Variants in IRF6 observed in about 807,000 individuals in gnomAD.
IRF6 encodes the protein Van der Woude syndrome.
IRF6 carries 6 observed loss-of-function variants against 51.4 expected under a neutral mutation model. The observed-to-expected ratio is 0.12, with a 90% CI of 0.06 to 0.23. The LOEUF (loss-of-function observed/expected upper bound fraction) is 0.23, where lower values mean the gene tolerates loss of function less well. IRF6 is among the 10% of genes least tolerant of loss of function. IRF6 has a pLI of 1.00. For missense variants in IRF6, 348 were observed against 585.2 expected, an observed-to-expected ratio of 0.59 and a Z score of 4.18; for synonymous variants, 178 against 215.7, an observed-to-expected ratio of 0.83 and a Z score of 1.53.
intron 1 of IRF6, among the ~76,000 whole-genome samples, chr1:209,804,873 T>G (rs949096464): frequency 1.3e-5 from 2 of 152,198 alleles, no homozygotes; most frequent in African/African-American, 4.8e-5. Flanking sequence ...CACACGCCAT[T>G]TCTCGCAGAC....
At chr1:209,792,468 C>G (rs771127913) in intron 5 of IRF6, 41 bp from the exon 6 acceptor site, 4 of 1,605,100 alleles carry the variant, frequency 2.5e-6, no homozygotes. Flanking sequence ...GGGTACCACA[C>G]GTGCACATCA....
At chr1:209,800,692 A>G (rs2102547123) in intron 3 of IRF6, among the ~76,000 whole-genome samples, 1 of 152,272 alleles carries the variant, frequency 6.6e-6, no homozygotes, top group South Asian at 2.1e-4. Context: ...CTAGGAGGTC[A>G]GGGCTGCAGT....
intron 8 of IRF6, 76 bp from the exon 9 acceptor site, chr1:209,788,720 A>G: frequency 8.4e-7 from 1 of 1,185,336 alleles, no homozygotes. Context: ...CCCAAGATTG[A>G]AGGACAGACC....
In IRF6 at chr1:209,788,460, G is replaced by C; in HGVS notation, c.1364C>G (p.Thr455Ser). ...GGCAGGGGGCAGTTGCATGCTGGGG[G>C]TGGGCTGCATGGGCTGCCAGCTCTC... ...TQESWQPMQP[T>S]PSMQLPPALP... Residue 455 changes from threonine to serine, a missense_variant, in exon 9 of 9, where the codon ACC becomes AGC. Around this residue, in one of 5 missense-constraint regions of IRF6, gnomAD observed 48 missense variants for 66.9 expected, o/e 0.72. Transcript: ENST00000367021. The C allele has an allele frequency of 6.2e-7, 1 of 1,613,880 alleles. No individual in the cohort carries two copies. Among genetic ancestry groups the C allele is most frequent in the Non-Finnish European group, 8.5e-7 (1 of 1,179,922 alleles).
chr1:209,794,950 A>G (rs947525886), intron 5 of IRF6, among the ~76,000 whole-genome samples: 2 of 152,254 alleles, frequency 1.3e-5, no homozygotes, highest in Non-Finnish European at 1.5e-5. Context: ...GTAACTCGAA[A>G]AAATGACACT....
At chr1:209,789,903 AAATT>A (rs1297434136) in intron 7 of IRF6, 118 bp from the exon 8 acceptor site, 8 of 739,326 alleles carry the variant, frequency 1.1e-5, no homozygotes, top group Middle Eastern at 2.3e-4. Context: ...CACTAGTTTT[AAATT>A]AATTAAACAG....
rs3028134 is a variant in IRF6, at chr1:209,796,634, A to AACACACAC, written c.175-90_175-83dup. 0.034 allele frequency: 19,985 copies of AACACACAC among 582,508 alleles called. 256 individuals are homozygous for AACACACAC. The highest frequency in any genetic ancestry group is 0.051 in the South Asian group (2,736 of 53,398). The allele number at this position is 582,508 out of a possible 1,614,324, so 36.1% of individuals were successfully genotyped here. A position where few individuals can be genotyped will look rare whatever the true frequency, so the allele number is the denominator to read the frequency against. ...GTGCTTACCCTTTCTCATAGACACA[A>AACACACAC]ACACACACACACACACACACACACA... On this transcript the variant is annotated intron_variant, in intron 3 of 8. Coordinates refer to ENST00000367021, the MANE Select transcript of IRF6 (RefSeq NM_006147.4). This position sits in a 1 kb window ranked among gnomAD's most constrained non-coding sequence, Gnocchi z 4.5.
intron 5 of IRF6, among the ~76,000 whole-genome samples, chr1:209,793,905 CTCT>C (rs754394930): frequency 1.4e-4 from 21 of 152,306 alleles, no homozygotes; most frequent in Non-Finnish European, 2.2e-4. Context: ...CATGATCTTA[CTCT>C]TTTTTATGGC....
chr1:209,788,113 G>A lies in IRF6; in HGVS notation c.*307C>T, dbSNP rs1229028643. ...TAAATCTGAAGCCCAGAGGTTAAAG[G>A]ACTTGTTCAAGGTCACATTGGAAGC... On this transcript the variant is annotated 3_prime_UTR_variant, in exon 9 of 9. Transcript: ENST00000367021. The A allele has an allele frequency of 1.7e-5, 7 of 403,510 alleles. No homozygotes were observed. In the East Asian group the frequency reaches 3.7e-4, roughly 21 times the overall value. The allele number at this position is 403,510 out of a possible 1,614,324, so 25.0% of individuals were successfully genotyped here.
At chr1:209,789,554 G>A (rs903702444) in intron 8 of IRF6, 113 bp downstream of exon 8, 12 of 807,612 alleles carry the variant, frequency 1.5e-5, no homozygotes, top group African/African-American at 1.0e-4. Context: ...CCCATCTGAT[G>A]AGACTGAAAC....
At position 209,790,610 on chromosome 1, in the gene IRF6, C is replaced by T. The variant is rs529907512; in HGVS notation, c.945G>A (p.Arg315=). The T allele has an allele frequency of 8.1e-6, 13 of 1,614,240 alleles. No individual in the cohort carries two copies. In the African/African-American group the frequency reaches 1.5e-4, roughly 18 times the overall value. The part of the protein sequence containing the change: ...EVSGHAIYAI[R]LCQCKVYWSG... ...ACCAGTACACCTTGCACTGGCACAG[C>T]CTGATGGCATAAATGGCATGACCGC... The change falls in exon 7 of 9, where the codon AGG becomes AGA. Residue 315 remains arginine, a synonymous_variant. Coordinates refer to ENST00000367021, the MANE Select transcript of IRF6 (RefSeq NM_006147.4). The surrounding 1 kb of genome is among the most constrained non-coding windows in gnomAD (Gnocchi z 4.8).
chr1:209,799,641 C>T (rs574315566), intron 3 of IRF6, among the ~76,000 whole-genome samples: 1 of 152,362 alleles, frequency 6.6e-6, no homozygotes, highest in South Asian at 2.1e-4. Flanking sequence ...CAAAGCATCA[C>T]TCTCATGAGT....
chr1:209,792,190 A>G (rs971255227), intron 6 of IRF6, 79 bp downstream of exon 6: 16 of 1,474,568 alleles, frequency 1.1e-5, no homozygotes, highest in Non-Finnish European at 1.5e-5. Flanking sequence ...ATGGCAAAGA[A>G]ATGAAGTTAG....
chr1:209,798,653 G>A (rs1362479184), intron 3 of IRF6, among the ~76,000 whole-genome samples: 1 of 152,150 alleles, frequency 6.6e-6, no homozygotes, highest in African/African-American at 2.4e-5. Flanking sequence ...GCTCATGCCT[G>A]TAATCCCAGC....
At chr1:209,797,392 A>AG in intron 3 of IRF6, among the ~76,000 whole-genome samples, 1 of 150,906 alleles carries the variant, frequency 6.6e-6, no homozygotes, top group Non-Finnish European at 1.5e-5. Flanking sequence ...AAAAAAAAAA[A>AG]AAAAGAATTG....
At position 209,790,356 on chromosome 1, in the gene IRF6, C is replaced by T; in HGVS notation, c.1060+139G>A. The T allele has an allele frequency of 1.1e-6, 1 of 938,394 alleles. No homozygotes were observed. Among genetic ancestry groups the T allele is most frequent in the Non-Finnish European group, 1.7e-6 (1 of 595,360 alleles). 58.1% of individuals were successfully genotyped at this position (938,394 alleles called of 1,614,324 possible). On this transcript the variant is annotated intron_variant, in intron 7 of 8. Coordinates refer to ENST00000367021, the MANE Select transcript of IRF6 (RefSeq NM_006147.4). This position sits in a 1 kb window ranked among gnomAD's most constrained non-coding sequence, Gnocchi z 4.8. ...CAATTTTTAGAACCAAAGTTCTGTT[C>T]TCCCTTGACCTCCTCCAGACTAAAT...
intron 3 of IRF6, among the ~76,000 whole-genome samples, chr1:209,798,449 G>A (rs913566648): frequency 6.6e-6 from 1 of 152,144 alleles, no homozygotes; most frequent in Non-Finnish European, 1.5e-5. Context: ...ACATTTCTGT[G>A]GTTCCCTAAA....
intron 5 of IRF6, among the ~76,000 whole-genome samples, chr1:209,794,521 T>G (rs895677136): frequency 4.3e-4 from 65 of 152,206 alleles, no homozygotes; most frequent in African/African-American, 1.6e-3. Context: ...CTAAGTTTTA[T>G]AGGTGGCACA....
intron 8 of IRF6, among the ~76,000 whole-genome samples, chr1:209,789,351 T>TTGTGTGTGTGTG (rs57430923): frequency 6.8e-6 from 1 of 146,960 alleles, no homozygotes; most frequent in Non-Finnish European, 1.5e-5. Flanking sequence ...GCAATTTACA[T>TTGTGTGTGTGTG]TGTGTGTGTG....
Sources: gnomAD v4.1 joint callset for allele counts (sites outside exome capture counted in the v4.1 genomes callset) on GRCh38, gnomAD v4.1.1 for gene constraint, gnomAD v4.1.1 regional missense constraint, Gnocchi (gnomAD v3.1) non-coding constraint, MANE v1.5 for transcripts, NCBI Gene and HGNC (gene_info 2026-07-23, HGNC 2026-07-21) for gene names.